The following ZFHX4 variants were observed in gnomAD, a reference collection of about 807,000 sequenced individuals.
The protein encoded by ZFHX4 is zinc finger homeobox 4.
In ZFHX4, 56 loss-of-function variants were observed where a neutral mutation model predicts 267.6. That is an observed-to-expected ratio of 0.21 (90% CI 0.17 to 0.26). ZFHX4 has a LOEUF of 0.26. ZFHX4 is among the 10% of genes least tolerant of loss of function. The pLI is 1.00. For synonymous variants in ZFHX4, 1,778 were observed against 1,665.6 expected, an observed-to-expected ratio of 1.07 and a Z score of -1.64; for missense variants, 4,332 against 4,420.0, an observed-to-expected ratio of 0.98 and a Z score of 0.56.
chr8:76,827,247 A>G (rs1811809879), intron 4 of ZFHX4, among the ~76,000 whole-genome samples: 1 of 152,220 alleles, frequency 6.6e-6, no homozygotes, highest in African/African-American at 2.4e-5. Context: ...GATCCCTTGC[A>G]TGTGCAGTTC....
At position 76,866,792 on chromosome 8, in the gene ZFHX4, A is replaced by G. The variant is rs939709241; in HGVS notation, c.*2227A>G. 1 of 68,068 alleles carries G rather than the reference A, an allele frequency of 1.5e-5. No homozygotes were observed. The highest frequency in any genetic ancestry group is 2.7e-5 in the Non-Finnish European group (1 of 36,460). The allele number at this position is 68,068 out of a possible 1,614,324, so 4.2% of individuals were successfully genotyped here. ...AACTTTTACAACTGCACAGCAGCCA[A>G]AAAAAGAAAAAAAAAAGAAAAAAAA... On this transcript the variant is annotated 3_prime_UTR_variant, in exon 11 of 11. Coordinates refer to ENST00000651372, the MANE Select transcript of ZFHX4 (RefSeq NM_024721.5).
chr8:76,694,207 T>C (rs1208434083), intron 1 of ZFHX4, among the ~76,000 whole-genome samples: 1 of 152,190 alleles, frequency 6.6e-6, no homozygotes, highest in Non-Finnish European at 1.5e-5. Context: ...AAGGTTGCCA[T>C]GTTTATGCTA....
chr8:76,763,061 A>T (rs1809957965), intron 3 of ZFHX4, among the ~76,000 whole-genome samples: 1 of 152,010 alleles, frequency 6.6e-6, no homozygotes, highest in Admixed American at 6.6e-5. Flanking sequence ...CATTCTTCTC[A>T]TTTTTATCCC....
chr8:76,731,465 T>C (rs1278043155), intron 3 of ZFHX4, among the ~76,000 whole-genome samples: 1 of 152,180 alleles, frequency 6.6e-6, no homozygotes, highest in African/African-American at 2.4e-5. Flanking sequence ...AGAGTCAGTA[T>C]AATTGAAGGC....
rs1266432049 is a variant in ZFHX4, at chr8:76,851,416, G to A, written c.4495G>A (p.Ala1499Thr). The A allele has an allele frequency of 6.2e-7, 1 of 1,613,922 alleles. No individual in the cohort carries two copies. The highest frequency in any genetic ancestry group is 1.7e-5 in the Admixed American group (1 of 60,022). ...GTATGAGGTGGACCACGAAGGGAAA[G>A]CAAGTCCTGTAGGAAGTGATAGTAG... ...REYEVDHEGK[A>T]SPVGSDSSSI... The change falls in exon 10 of 11, where the codon GCA becomes ACA. Residue 1499 changes from alanine to threonine, a missense_variant. Physicochemically the swap from Ala to Thr is moderately conservative, Grantham distance 58 (BLOSUM62 0). This residue lies in a region of ZFHX4 where 1,371 missense variants were observed against 1,423.1 expected (regional missense o/e 0.96). Coordinates refer to ENST00000651372, the MANE Select transcript of ZFHX4 (RefSeq NM_024721.5).
chr8:76,780,930 G>T (rs1432779909), intron 4 of ZFHX4, among the ~76,000 whole-genome samples: 1 of 152,082 alleles, frequency 6.6e-6, no homozygotes. Context: ...TAGTTGGATT[G>T]ACTTTGTATA....
intron 4 of ZFHX4, among the ~76,000 whole-genome samples, chr8:76,786,235 G>A (rs1008542674): frequency 4.6e-5 from 7 of 151,802 alleles, no homozygotes; most frequent in Non-Finnish European, 1.0e-4. Flanking sequence ...TTAAAAAAAA[G>A]CATTTCCATG....
At chr8:76,764,778 T>C (rs1305984873) in intron 3 of ZFHX4, among the ~76,000 whole-genome samples, 1 of 152,182 alleles carries the variant, frequency 6.6e-6, no homozygotes, top group Non-Finnish European at 1.5e-5. Context: ...AACTTCATAT[T>C]ACTATTGTGT....
Position 76,842,743 on chromosome 8 carries a change from T to G in ZFHX4, c.3483T>G (p.Ser1161Arg). The G allele has an allele frequency of 6.4e-7, 1 of 1,552,962 alleles. No homozygotes were observed. The highest frequency in any genetic ancestry group is 8.7e-7 in the Non-Finnish European group (1 of 1,147,730). Residue 1161 changes from serine to arginine, a missense_variant, in exon 6 of 11, where the codon AGT becomes AGG. Physicochemically the swap from Ser to Arg is moderately radical, Grantham distance 110. Transcript: ENST00000651372. ...AAGACACAAGTGAGAGAGACAATAG[T>G]GAAGGCAAAAACTCTAATAAAGACT... ...DEKDTSERDN[S>R]EGKNSNKDSG...
At chr8:76,857,058 T>C (rs370302845) in intron 10 of ZFHX4, among the ~76,000 whole-genome samples, 152 of 152,274 alleles carry the variant, frequency 1.0e-3, no homozygotes, top group African/African-American at 3.4e-3. Context: ...TAAAGCTGTT[T>C]GAGGCAACCT....
chr8:76,682,478 G>GCGCGGGCGCGGGCGC (rs1474554539), intron 1 of ZFHX4: 20 of 152,466 alleles, frequency 1.3e-4, no homozygotes, highest in African/African-American at 4.6e-4. Context: ...GCTCTCGGCG[G>GCGCGGGCGCGGGCGC]CGCGGGCGCG....
intron 4 of ZFHX4, among the ~76,000 whole-genome samples, chr8:76,796,201 A>G (rs569082244): frequency 5.4e-4 from 82 of 152,176 alleles, no homozygotes; most frequent in Non-Finnish European, 9.0e-4. Flanking sequence ...TGATTTTGAA[A>G]ATAGAAATTT....
At chr8:76,822,073 C>T (rs557091704) in intron 4 of ZFHX4, among the ~76,000 whole-genome samples, 66 of 151,962 alleles carry the variant, frequency 4.3e-4, no homozygotes, top group Non-Finnish European at 7.5e-4. Context: ...CCTTTACTTG[C>T]CTATATAAAC....
At chr8:76,808,186 A>T (rs1182542429) in intron 4 of ZFHX4, among the ~76,000 whole-genome samples, 2 of 152,080 alleles carry the variant, frequency 1.3e-5, no homozygotes, top group African/African-American at 4.8e-5. Context: ...ATAGAAGCCA[A>T]AAAAACTTTT....
rs942353829 is a variant in ZFHX4 at position 76,852,130 on chromosome 8, T to A, written c.5209T>A (p.Phe1737Ile). The A allele has an allele frequency of 6.2e-7, 1 of 1,613,930 alleles. No homozygotes were observed. The highest frequency in any genetic ancestry group is 1.3e-5 in the African/African-American group (1 of 75,034). ...EALLQFQQPQ[F>I]LFPFYIPGTE... Reference sequence around the variant, plus strand: ...ACTGCTGCAGTTTCAGCAGCCTCAGTTTCTCTTTCCATTTTATATACCTGG... The same window carrying A: ...ACTGCTGCAGTTTCAGCAGCCTCAGATTCTCTTTCCATTTTATATACCTGG... The change falls in exon 10 of 11, where the codon TTT (phenylalanine) becomes ATT (isoleucine). Residue 1737 changes from phenylalanine to isoleucine, a missense_variant. By Grantham distance (21) the Phe-to-Ile change is conservative. Coordinates refer to ENST00000651372, the MANE Select transcript of ZFHX4 (RefSeq NM_024721.5).
At chr8:76,795,082 C>G (rs765275379) in intron 4 of ZFHX4, among the ~76,000 whole-genome samples, 1 of 152,102 alleles carries the variant, frequency 6.6e-6, no homozygotes, top group African/African-American at 2.4e-5. Context: ...AAATGGAAGA[C>G]AAGATGCAAT....
At chr8:76,760,438 T>C (rs1809879183) in intron 3 of ZFHX4, among the ~76,000 whole-genome samples, 1 of 152,172 alleles carries the variant, frequency 6.6e-6, no homozygotes, top group Non-Finnish European at 1.5e-5. Context: ...CTTGCTTTCA[T>C]GGAGGTACAG....
At chr8:76,857,244 C>T (rs1812754371) in intron 10 of ZFHX4, among the ~76,000 whole-genome samples, 1 of 151,558 alleles carries the variant, frequency 6.6e-6, no homozygotes, top group Non-Finnish European at 1.5e-5. Context: ...AATAGGAAAA[C>T]ATGGTTCTTT....
intron 3 of ZFHX4, among the ~76,000 whole-genome samples, chr8:76,721,338 G>C (rs1402628089): frequency 1.3e-5 from 2 of 152,128 alleles, no homozygotes; most frequent in Non-Finnish European, 2.9e-5. Context: ...ATTTATGACA[G>C]CTTAAATCTA....
Sources: allele counts gnomAD v4.1 joint callset (sites outside exome capture counted in the v4.1 genomes callset), GRCh38; gene constraint gnomAD v4.1.1; regional missense constraint gnomAD v4.1.1; transcripts MANE v1.5; gene names NCBI Gene and HGNC (gene_info 2026-07-23, HGNC 2026-07-21).